The following IQANK1 variants were observed in gnomAD, a reference collection of about 807,000 sequenced individuals.
IQANK1 encodes IQ motif and ankyrin repeat containing 1, also known as IQ motif and ankyrin repeat domain-containing protein 1.
A neutral mutation model predicts 22.6 loss-of-function variants in IQANK1; 30 were observed. The observed-to-expected ratio is 1.33, with a 90% CI of 0.99 to 1.80. IQANK1 has a LOEUF of 1.80. Ranked by LOEUF, IQANK1 falls within the 40% of genes most tolerant of loss-of-function variation. The pLI, the probability that IQANK1 is intolerant of heterozygous loss-of-function variation, is 0.00. For missense variants in IQANK1, 275 were observed against 235.2 expected, an observed-to-expected ratio of 1.17 and a Z score of -1.11; for synonymous variants, 122 against 99.6, an observed-to-expected ratio of 1.23 and a Z score of -1.34.
Position 143,771,821 on chromosome 8 carries a change from C to T in IQANK1, c.327C>T (p.Arg109=). The change falls in exon 5 of 14, where the codon CGC becomes CGT. Residue 109 remains arginine, a synonymous_variant. Transcript: ENST00000527139. The surrounding 1 kb of genome is among the most constrained non-coding windows in gnomAD (Gnocchi z 6.0). ...PQKEAYLAPV[R]REQEAARRLR... ...CCCAGGCCTACCTGGCTCCGGTGCG[C>T]CGGGAGCAGGAGGCCGCGCGGCGGC... 1 of 396,054 alleles carries T rather than the reference C, an allele frequency of 2.5e-6. No individual in the cohort carries two copies. Among genetic ancestry groups the T allele is most frequent in the Non-Finnish European group, 4.5e-6 (1 of 224,452 alleles). The allele number at this position is 396,054 out of a possible 1,614,324, so 24.5% of individuals were successfully genotyped here.
chr8:143,766,133 G>C (rs1554629218), intron 3 of IQANK1, among the ~76,000 whole-genome samples: 4 of 152,148 alleles, frequency 2.6e-5, no homozygotes. Flanking sequence ...TTTTAGATTG[G>C]ATTTCCCTGG....
intron 7 of IQANK1, among the ~76,000 whole-genome samples, chr8:143,776,327 C>CAAAAAAAAAAAAAA (rs57571355): frequency 1.0e-4 from 11 of 105,242 alleles, no homozygotes; most frequent in East Asian, 5.6e-4. Flanking sequence ...GACTCCGTCT[C>CAAAAAAAAAAAAAA]AAAAAAAAAA....
intron 3 of IQANK1, among the ~76,000 whole-genome samples, chr8:143,767,294 C>G (rs1819497726): frequency 6.6e-6 from 1 of 152,144 alleles, no homozygotes; most frequent in African/African-American, 2.4e-5. Context: ...TATGGTATAT[C>G]TCTCCTTTTG....
At chr8:143,788,523 TC>T (rs782285334) in intron 7 of IQANK1, among the ~76,000 whole-genome samples, 1 of 152,158 alleles carries the variant, frequency 6.6e-6, no homozygotes, top group Non-Finnish European at 1.5e-5. Flanking sequence ...AGTGTGCACA[TC>T]CTGCGGGCCA....
chr8:143,756,884 A>C (rs1187150241), intron 3 of IQANK1, among the ~76,000 whole-genome samples: 2 of 151,986 alleles, frequency 1.3e-5, no homozygotes, highest in African/African-American at 4.8e-5. Context: ...AGGCTGAGGC[A>C]AGAGGACTGC....
intron 3 of IQANK1, among the ~76,000 whole-genome samples, chr8:143,765,048 A>C (rs1226538366): frequency 6.6e-6 from 1 of 152,142 alleles, no homozygotes; most frequent in African/African-American, 2.4e-5. Flanking sequence ...AAAAAATAAA[A>C]ATTTCAAGAA....
At position 143,777,156 on chromosome 8, in the gene IQANK1, A is replaced by G. The variant is rs1250418897; in HGVS notation, c.789+4674A>G. Among the ~76,000 whole-genome samples the G allele has an allele frequency of 9.2e-5, 14 of 151,892 alleles. No individual in the cohort carries two copies. The South Asian group carries it at 1.0e-3, about 11-fold the overall frequency. On this transcript the variant is annotated intron_variant, in intron 7 of 13. Transcript: ENST00000527139. ...CACACATATATATACACACACATAT[A>G]TATTATCGTATATATACATATATAT...
intron 3 of IQANK1, among the ~76,000 whole-genome samples, chr8:143,746,844 G>A (rs1819041685): frequency 1.3e-5 from 2 of 151,976 alleles, no homozygotes; most frequent in Admixed American, 6.6e-5. Context: ...ATTGTTCAGA[G>A]TACTCTCTTA....
chr8:143,743,411 G>A (rs1332267012), intron 3 of IQANK1, among the ~76,000 whole-genome samples: 2 of 152,064 alleles, frequency 1.3e-5, no homozygotes, highest in African/African-American at 4.8e-5. Context: ...GCCTCTTTCA[G>A]TATAACTGTA....
At chr8:143,776,410 C>T (rs1187707521) in intron 7 of IQANK1, among the ~76,000 whole-genome samples, 3 of 148,638 alleles carry the variant, frequency 2.0e-5, no homozygotes, top group Non-Finnish European at 4.5e-5. Context: ...CAAACAAGAA[C>T]AAATCCAAGA....
At chr8:143,766,658 G>A (rs1262888862) in intron 3 of IQANK1, among the ~76,000 whole-genome samples, 3 of 151,798 alleles carry the variant, frequency 2.0e-5, no homozygotes, top group Non-Finnish European at 4.4e-5. Context: ...GTGACGGTGC[G>A]AGATTCTGTC....
At chr8:143,736,783 A>T (rs1260411272) in intron 2 of IQANK1, among the ~76,000 whole-genome samples, 1 of 150,632 alleles carries the variant, frequency 6.6e-6, no homozygotes, top group East Asian at 2.0e-4. Context: ...GACTTCCCCC[A>T]GTACCCTCCC....
chr8:143,757,052 T>C (rs550423736), intron 3 of IQANK1, among the ~76,000 whole-genome samples: 74 of 152,306 alleles, frequency 4.9e-4, no homozygotes, highest in African/African-American at 1.4e-3. Context: ...GTGATTTTCT[T>C]ACTGGGTTTC....
rs1056362696 is a variant in IQANK1 at position 143,758,819 on chromosome 8, T to C, written c.176-12669T>C. ...ATGGGACCAGCTGGAATTTCCAAGC[T>C]GCTTCACAGAGGCCAAAGATGACAA... On this transcript the variant is annotated intron_variant, in intron 3 of 13. Transcript: ENST00000527139. This position sits in a 1 kb window ranked among gnomAD's most constrained non-coding sequence, Gnocchi z 4.2. 6.5e-6 allele frequency: 1 copy of C among 153,138 alleles called. No individual in the cohort carries two copies. Among genetic ancestry groups the C allele is most frequent in the African/African-American group, 2.4e-5 (1 of 41,464 alleles). 9.5% of individuals were successfully genotyped at this position (153,138 alleles called of 1,614,324 possible).
rs561179251 is a variant in IQANK1 at position 143,790,069 on chromosome 8, G to C, written c.1289+5G>C. On this transcript the variant is annotated splice_donor_5th_base_variant and intron_variant, in intron 12 of 13. Coordinates refer to ENST00000527139, the MANE Select transcript of IQANK1 (RefSeq NM_001381874.1). ...CCGCATCCGTGCCGATGGCCGGTCAGTTCTCCGGGCCAGACGTGGGCGATT... is the reference window on the plus strand; with the variant it reads ...CCGCATCCGTGCCGATGGCCGGTCACTTCTCCGGGCCAGACGTGGGCGATT... The C allele has an allele frequency of 8.1e-7, 1 of 1,232,034 alleles. No individual in the cohort carries two copies. The highest frequency in any genetic ancestry group is 1.6e-5 in the African/African-American group (1 of 64,444). 76.3% of individuals were successfully genotyped at this position (1,232,034 alleles called of 1,614,324 possible). A position where few individuals can be genotyped will look rare whatever the true frequency, so the allele number is the denominator to read the frequency against.
intron 7 of IQANK1, among the ~76,000 whole-genome samples, chr8:143,787,656 C>A (rs146961818): frequency 1.3e-4 from 20 of 152,282 alleles, no homozygotes; most frequent in African/African-American, 4.8e-4. Flanking sequence ...GGGAACTCAT[C>A]CTGCCCCCGC....
chr8:143,789,998 G>C lies in IQANK1; in HGVS notation c.1223G>C (p.Cys408Ser). The C allele has an allele frequency of 8.1e-7, 1 of 1,232,078 alleles. No homozygotes were observed. The highest frequency in any genetic ancestry group is 1.0e-6 in the Non-Finnish European group (1 of 988,030). The allele number at this position is 1,232,078 out of a possible 1,614,324, so 76.3% of individuals were successfully genotyped here. Residue 408 changes from cysteine (C) to serine (S), a missense_variant, in exon 12 of 14, where the codon TGC becomes TCC. Coordinates refer to ENST00000527139, the MANE Select transcript of IQANK1 (RefSeq NM_001381874.1). ...EGEEEAPGLKCQVTELHDVLM... is the reference protein window; with the variant it reads ...EGEEEAPGLKSQVTELHDVLM... ...GAGGAAGAGGCGCCTGGGCTGAAGT[G>C]CCAGGTCACCGAGCTGCACGATGTG... is the stretch of plus-strand genomic sequence containing the variant.
intron 3 of IQANK1, chr8:143,742,218 C>T (rs966272323): frequency 2.7e-6 from 1 of 376,128 alleles, no homozygotes; most frequent in Admixed American, 3.1e-5. Flanking sequence ...AGAGCCAGCC[C>T]AGCCCTCACT....
At position 143,790,432 on chromosome 8, in the gene IQANK1, A is replaced by G; in HGVS notation, c.1507A>G (p.Arg503Gly). The G allele has an allele frequency of 1.7e-6, 1 of 595,104 alleles. No individual in the cohort carries two copies. The highest frequency in any genetic ancestry group is 2.5e-6 in the Non-Finnish European group (1 of 406,556). The allele number at this position is 595,104 out of a possible 1,614,324, so 36.9% of individuals were successfully genotyped here. Residue 503 changes from arginine to glycine, a missense_variant, in exon 14 of 14, where the codon AGG (arginine) becomes GGG (glycine). Coordinates refer to ENST00000527139, the MANE Select transcript of IQANK1 (RefSeq NM_001381874.1). Reference protein sequence around the residue: ...VQRQLEAVQERYLSLLRPTDG... With the variant: ...VQRQLEAVQEGYLSLLRPTDG... ...GCGGCAGCTGGAGGCGGTGCAGGAG[A>G]GGTACCTGTCGCTGCTGCGGCCCAC...
Sources: allele counts gnomAD v4.1 joint callset (sites outside exome capture counted in the v4.1 genomes callset), GRCh38; gene constraint gnomAD v4.1.1; non-coding constraint Gnocchi (gnomAD v3.1); transcripts MANE v1.5; gene names NCBI Gene and HGNC (gene_info 2026-07-23, HGNC 2026-07-21).